LRRC37A2: variants seen among roughly 807,000 people sequenced by gnomAD.
The protein encoded by LRRC37A2 is leucine-rich repeat-containing protein 37A2.
A neutral mutation model predicts 68.8 loss-of-function variants in LRRC37A2; 9 were observed. The ratio of observed to expected loss-of-function variants is 0.13; its 90% CI spans 0.08 to 0.23. The LOEUF is 0.23. Among genes scored for constraint, LRRC37A2 ranks in the 10% least tolerant of loss-of-function variants. The pLI is 1.00. For missense variants in LRRC37A2, 168 were observed against 950.4 expected (o/e 0.18, Z 10.82); for synonymous variants, 63 against 367.6 (o/e 0.17, Z 9.48).
the LRRC37A2 span, among the ~76,000 whole-genome samples, chr17:46,499,333 A>G: frequency 1.6e-3 from 197 of 121,332 alleles, 8 homozygotes; most frequent in African/African-American, 3.6e-3. Flanking sequence ...AAAAAAAAAA[A>G]AAGGTGGGGG....
At chr17:46,720,549 T>A in the LRRC37A2 span, among the ~76,000 whole-genome samples, 12 of 152,162 alleles carry the variant, frequency 7.9e-5, no homozygotes, top group African/African-American at 2.9e-4. Flanking sequence ...ACAGCTAATG[T>A]TTGCTTGGTC....
the LRRC37A2 span, among the ~76,000 whole-genome samples, chr17:46,727,277 A>G: frequency 2.0e-5 from 3 of 152,332 alleles, no homozygotes; most frequent in Non-Finnish European, 4.4e-5. Flanking sequence ...CTTAACTCAT[A>G]AGAAATAAAC....
chr17:46,737,578 T>C, the LRRC37A2 span, among the ~76,000 whole-genome samples: 2,230 of 147,382 alleles, frequency 0.015, 46 homozygotes, highest in African/African-American at 0.052. Flanking sequence ...TGTGCGTGTG[T>C]GTGTGTGTGT....
chr17:47,020,670 TA>T, the LRRC37A2 span, among the ~76,000 whole-genome samples: 1 of 149,234 alleles, frequency 6.7e-6, no homozygotes. Flanking sequence ...GAGTCCCAGC[TA>T]CTCGGGAGGC....
At chr17:46,475,306 T>C in the LRRC37A2 span, 1 of 782,400 alleles carries the variant, frequency 1.3e-6, no homozygotes, top group Admixed American at 2.7e-5. Context: ...GACACTGTTG[T>C]CAACCAGTTG....
At chr17:46,983,672 T>C in the LRRC37A2 span, among the ~76,000 whole-genome samples, 1 of 152,240 alleles carries the variant, frequency 6.6e-6, no homozygotes, top group Non-Finnish European at 1.5e-5. Context: ...ATTCTCATAA[T>C]AACCCTGAAA....
chr17:46,987,592 A>C, the LRRC37A2 span, among the ~76,000 whole-genome samples: 1 of 152,302 alleles, frequency 6.6e-6, no homozygotes, highest in Non-Finnish European at 1.5e-5. Flanking sequence ...TGCAATAGAC[A>C]AGGCAAAAGG....
the LRRC37A2 span, among the ~76,000 whole-genome samples, chr17:46,913,804 T>C: frequency 3.3e-5 from 5 of 152,156 alleles, no homozygotes; most frequent in Non-Finnish European, 7.4e-5. Context: ...CTGTCGCCCA[T>C]GCTGGAGTGC....
chr17:46,751,533 A>G, the LRRC37A2 span: 15 of 1,613,990 alleles, frequency 9.3e-6, no homozygotes, highest in African/African-American at 1.3e-5. Context: ...TAAGGAACGC[A>G]CCACAATTGC....
the LRRC37A2 span, chr17:46,940,651 G>A: frequency 8.7e-6 from 14 of 1,613,570 alleles, no homozygotes; most frequent in Admixed American, 8.3e-5. Context: ...AGAAGTCCCC[G>A]CACCCATCAT....
chr17:47,011,420 G>A, the LRRC37A2 span, among the ~76,000 whole-genome samples: 1 of 151,888 alleles, frequency 6.6e-6, no homozygotes, highest in Non-Finnish European at 1.5e-5. Context: ...GTGGTGGTGG[G>A]TGCCTGCAAT....
At chr17:47,001,920 G>A in the LRRC37A2 span, among the ~76,000 whole-genome samples, 1 of 151,716 alleles carries the variant, frequency 6.6e-6, no homozygotes, top group African/African-American at 2.4e-5. Flanking sequence ...TGTTGTATTT[G>A]TATTTGTATT....
the LRRC37A2 span, chr17:47,033,206 A>G: frequency 5.0e-6 from 3 of 603,956 alleles, no homozygotes; most frequent in Non-Finnish European, 8.5e-6. Context: ...TGGGCAACAG[A>G]GTGAGACTTC....
chr17:47,010,087 C>T, the LRRC37A2 span, among the ~76,000 whole-genome samples: 4 of 152,340 alleles, frequency 2.6e-5, no homozygotes, highest in Admixed American at 6.5e-5. Context: ...CAAGTAGGGA[C>T]ATTTATTGTT....
the LRRC37A2 span, among the ~76,000 whole-genome samples, chr17:46,453,842 A>G: frequency 4.8e-5 from 1 of 20,680 alleles, no homozygotes; most frequent in African/African-American, 2.6e-4. Context: ...GAAAGACTTC[A>G]CATGTCAGTG....
the LRRC37A2 span, among the ~76,000 whole-genome samples, chr17:46,798,031 C>T: frequency 6.6e-6 from 1 of 152,146 alleles, no homozygotes; most frequent in African/African-American, 2.4e-5. Context: ...TGGATTCAAG[C>T]GATTCTCCTG....
At chr17:46,767,359 C>CT in the LRRC37A2 span, among the ~76,000 whole-genome samples, 157 of 152,336 alleles carry the variant, frequency 1.0e-3, no homozygotes, top group Middle Eastern at 3.4e-3. Flanking sequence ...AGCTTCAGAT[C>CT]TGTCAGGATA....
the LRRC37A2 span, chr17:46,975,106 T>C: frequency 5.3e-5 from 8 of 151,838 alleles, no homozygotes; most frequent in African/African-American, 9.7e-5. Context: ...ATTGTCCTTA[T>C]TGAGCGTCTA....
the LRRC37A2 span, among the ~76,000 whole-genome samples, chr17:46,946,747 C>T: frequency 1.3e-5 from 2 of 152,110 alleles, no homozygotes; most frequent in South Asian, 2.1e-4. Flanking sequence ...CCTGTAGTCC[C>T]AGCTACTTGG....
Sources: gnomAD v4.1 joint callset for allele counts (sites outside exome capture counted in the v4.1 genomes callset) on GRCh38, gnomAD v4.1.1 for gene constraint, MANE v1.5 for transcripts, NCBI Gene and HGNC (gene_info 2026-07-23, HGNC 2026-07-21) for gene names.